Variants in DLG2 observed in about 807,000 individuals in gnomAD.
DLG2 encodes discs large MAGUK scaffold protein 2.
In DLG2, 45 loss-of-function variants were observed where a neutral mutation model predicts 132.5. The observed-to-expected ratio is 0.34, with a 90% CI of 0.27 to 0.44. The LOEUF is 0.44. Among genes scored for constraint, DLG2 ranks in the 20% least tolerant of loss-of-function variants. DLG2 has a pLI of 1.00. For synonymous variants in DLG2, 424 were observed against 419.6 expected, an observed-to-expected ratio of 1.01 and a Z score of -0.13; for missense variants, 1,045 against 1,196.9, an observed-to-expected ratio of 0.87 and a Z score of 1.87.
chr11:85,371,917 C>T (rs1851084601), intron 3 of DLG2, among the ~76,000 whole-genome samples: 1 of 152,224 alleles, frequency 6.6e-6, no homozygotes, highest in Admixed American at 6.5e-5. Context: ...AAGTATAAGA[C>T]TAAAGTCCCT....
chr11:85,073,909 T>G (rs1484074126), intron 6 of DLG2, among the ~76,000 whole-genome samples: 1 of 151,840 alleles, frequency 6.6e-6, no homozygotes, highest in Non-Finnish European at 1.5e-5. Context: ...TGGAGTACTA[T>G]GCAGCCATAA....
chr11:85,609,910 A>T (rs2080871040), intron 2 of DLG2, among the ~76,000 whole-genome samples: 1 of 152,136 alleles, frequency 6.6e-6, no homozygotes, highest in Non-Finnish European at 1.5e-5. Flanking sequence ...TAATTGGGAG[A>T]CTTTGCTCTC....
At chr11:84,002,586 G>A (rs996981421) in intron 11 of DLG2, among the ~76,000 whole-genome samples, 1 of 152,156 alleles carries the variant, frequency 6.6e-6, no homozygotes, top group East Asian at 1.9e-4. Context: ...ATACTCTGAA[G>A]CAATGGTCTG....
chr11:84,459,461 T>C (rs966357224), intron 7 of DLG2, among the ~76,000 whole-genome samples: 64 of 150,974 alleles, frequency 4.2e-4, no homozygotes, highest in Admixed American at 2.0e-3. Context: ...CAATAAATTG[T>C]ATTAAGTATT....
At position 84,121,541 on chromosome 11, in the gene DLG2, A is replaced by ATTTTTTTTTTTTT. The variant is rs869183421; in HGVS notation, c.625-22507_625-22495dup. 2.4e-4 allele frequency among the ~76,000 whole-genome samples: 16 copies of ATTTTTTTTTTTTT among 66,688 alleles called. 1 individual carries two copies. Among genetic ancestry groups the ATTTTTTTTTTTTT allele is most frequent in the South Asian group, 6.9e-4 (1 of 1,454 alleles). 43.7% of individuals were successfully genotyped at this position (66,688 alleles called of 152,430 possible). ...TTACTCTCACTTATATTCCTTGCTA[A>ATTTTTTTTTTTTT]TTTTTTTTTTTTTTTTTTTTTTTTT... On this transcript the variant is annotated intron_variant, in intron 9 of 27. Transcript: ENST00000376104.
chr11:83,642,614 T>G (rs1214929984), intron 18 of DLG2, among the ~76,000 whole-genome samples: 5 of 152,198 alleles, frequency 3.3e-5, no homozygotes, highest in Non-Finnish European at 5.9e-5. Context: ...ATGCATGCTT[T>G]GTTTTATAGA....
intron 6 of DLG2, among the ~76,000 whole-genome samples, chr11:84,584,719 C>T (rs1488615417): frequency 7.1e-5 from 8 of 113,208 alleles, no homozygotes; most frequent in Admixed American, 3.6e-4. Flanking sequence ...GACGGAGTCT[C>T]GCTCTGTCGC....
intron 6 of DLG2, among the ~76,000 whole-genome samples, chr11:84,633,851 G>T (rs1329854908): frequency 2.6e-5 from 4 of 151,988 alleles, no homozygotes; most frequent in African/African-American, 9.7e-5. Flanking sequence ...AGTAAAATTT[G>T]GACTGAGTGA....
At position 84,090,276 on chromosome 11, in the gene DLG2, T is replaced by G. The variant is rs560707685; in HGVS notation, c.749+8647A>C. On this transcript the variant is annotated intron_variant, in intron 10 of 27. Transcript: ENST00000376104. Reference sequence around the variant, plus strand: ...TAAAAATGCAAAAATTAGCTGGGCGTGGTAGCAGGCGCCTGTAATCCCAGC... The same window carrying G: ...TAAAAATGCAAAAATTAGCTGGGCGGGGTAGCAGGCGCCTGTAATCCCAGC... Among the ~76,000 whole-genome samples the G allele has an allele frequency of 4.0e-5, 6 of 151,596 alleles. No individual in the cohort carries two copies. The East Asian group carries it at 9.7e-4, about 25-fold the overall frequency.
chr11:85,313,726 T>G (rs529795320), intron 3 of DLG2, among the ~76,000 whole-genome samples: 58 of 152,144 alleles, frequency 3.8e-4, no homozygotes, highest in African/African-American at 1.3e-3. Flanking sequence ...TAAAATAATT[T>G]ACTTCTTGGT....
intron 3 of DLG2, among the ~76,000 whole-genome samples, chr11:85,465,355 G>A (rs1240407862): frequency 6.6e-6 from 1 of 151,694 alleles, no homozygotes; most frequent in Non-Finnish European, 1.5e-5. Flanking sequence ...AGCACAATGT[G>A]CACGTTTGTT....
intron 3 of DLG2, among the ~76,000 whole-genome samples, chr11:85,479,634 C>T (rs1308274911): frequency 6.6e-6 from 1 of 152,114 alleles, no homozygotes; most frequent in Non-Finnish European, 1.5e-5. Flanking sequence ...CAAATTAAAA[C>T]CAAAATGAGA....
At chr11:83,928,258 G>A (rs1396602573) in intron 15 of DLG2, among the ~76,000 whole-genome samples, 3 of 149,986 alleles carry the variant, frequency 2.0e-5, no homozygotes, top group Non-Finnish European at 4.4e-5. Context: ...TGTGTAATTT[G>A]AAAAAAAAAT....
intron 7 of DLG2, among the ~76,000 whole-genome samples, chr11:84,281,596 C>T (rs2097855594): frequency 7.0e-6 from 1 of 142,222 alleles, no homozygotes. Context: ...CCCCCCTCCC[C>T]CCAGCCCACA....
chr11:85,056,394 TA>T (rs2063465065), intron 6 of DLG2, among the ~76,000 whole-genome samples: 1 of 151,998 alleles, frequency 6.6e-6, no homozygotes, highest in South Asian at 2.1e-4. Context: ...TAGGGGAATT[TA>T]AAAATGAATA....
At chr11:85,247,085 A>G (rs187169838) in intron 4 of DLG2, among the ~76,000 whole-genome samples, 1 of 152,180 alleles carries the variant, frequency 6.6e-6, no homozygotes, top group African/African-American at 2.4e-5. Flanking sequence ...GTTTTCTTCT[A>G]TCTCCATTTA....
chr11:85,558,919 A>G (rs998131539), intron 3 of DLG2, among the ~76,000 whole-genome samples: 6 of 151,828 alleles, frequency 4.0e-5, no homozygotes, highest in African/African-American at 1.4e-4. Context: ...AAACCTGCAT[A>G]TGTACCATCT....
intron 5 of DLG2, among the ~76,000 whole-genome samples, chr11:85,115,965 T>C (rs2073508957): frequency 6.6e-6 from 1 of 151,952 alleles, no homozygotes; most frequent in South Asian, 2.1e-4. Context: ...AGGACCCAGA[T>C]CTGATCCTGT....
At chr11:84,684,831 T>C (rs1283594376) in intron 6 of DLG2, among the ~76,000 whole-genome samples, 1 of 152,228 alleles carries the variant, frequency 6.6e-6, no homozygotes, top group Admixed American at 6.5e-5. Flanking sequence ...CATGGTTACT[T>C]TTCTTGCTTC....
Sources: gnomAD v4.1 joint callset for allele counts (sites outside exome capture counted in the v4.1 genomes callset) on GRCh38, gnomAD v4.1.1 for gene constraint, MANE v1.5 for transcripts, NCBI Gene and HGNC (gene_info 2026-07-23, HGNC 2026-07-21) for gene names.